ZNF521: variants seen among roughly 807,000 people sequenced by gnomAD.
ZNF521 encodes the protein zinc finger protein 521, also known as LYST-interacting protein 3.
ZNF521 carries 14 observed loss-of-function variants against 105.5 expected under a neutral mutation model. The observed-to-expected ratio is 0.13, with a 90% CI of 0.09 to 0.21. The LOEUF is 0.21. ZNF521 is among the 10% of genes least tolerant of loss of function. ZNF521 has a pLI of 1.00. For missense variants in ZNF521, 1,233 were observed against 1,629.7 expected, an observed-to-expected ratio of 0.76 and a Z score of 4.19; for synonymous variants, 635 against 606.0, an observed-to-expected ratio of 1.05 and a Z score of -0.70.
At chr18:25,332,314 T>C (rs945211682) in intron 2 of ZNF521, among the ~76,000 whole-genome samples, 1 of 118,904 alleles carries the variant, frequency 8.4e-6, no homozygotes, top group Non-Finnish European at 1.8e-5. Context: ...TCCTATAACA[T>C]AAGGCACAAA....
chr18:25,200,719 C>A (rs975478672), intron 4 of ZNF521, among the ~76,000 whole-genome samples: 5 of 152,104 alleles, frequency 3.3e-5, no homozygotes, highest in Non-Finnish European at 7.4e-5. Flanking sequence ...AACACTGATT[C>A]TCTCTTCACA....
At chr18:25,186,263 T>G (rs1600132583) in intron 5 of ZNF521, among the ~76,000 whole-genome samples, 1 of 152,334 alleles carries the variant, frequency 6.6e-6, no homozygotes, top group Admixed American at 6.5e-5. Flanking sequence ...ATATCTGAAA[T>G]ATTAAGACAT....
intron 3 of ZNF521, among the ~76,000 whole-genome samples, chr18:25,286,408 C>T (rs889018863): frequency 2.0e-5 from 3 of 152,196 alleles, no homozygotes; most frequent in African/African-American, 7.2e-5. Flanking sequence ...ACAGCACCAG[C>T]TTGCATAAAA....
chr18:25,342,684 T>C (rs12954237), intron 2 of ZNF521, among the ~76,000 whole-genome samples: 69,647 of 151,894 alleles, frequency 0.46, 16,300 homozygotes, highest in Middle Eastern at 0.51. Context: ...CGCCTCGGCC[T>C]CCCAAAGTGC....
At chr18:25,154,644 T>A (rs1345977855) in intron 5 of ZNF521, among the ~76,000 whole-genome samples, 1 of 152,124 alleles carries the variant, frequency 6.6e-6, no homozygotes, top group Non-Finnish European at 1.5e-5. Flanking sequence ...ACTCAAATAA[T>A]CTACCTGTAA....
At chr18:25,299,685 C>T (rs1911521646) in intron 3 of ZNF521, among the ~76,000 whole-genome samples, 1 of 152,110 alleles carries the variant, frequency 6.6e-6, no homozygotes. Context: ...AGAATTAGGA[C>T]ATTAAAGACA....
chr18:25,224,288 A>C (rs1905939001), intron 4 of ZNF521, 57 bp downstream of exon 4: 6 of 1,458,324 alleles, frequency 4.1e-6, no homozygotes, highest in Middle Eastern at 2.1e-4. Context: ...TGTAAACATA[A>C]AGCAGGGACC....
chr18:25,261,777 A>G (rs1908928079), intron 3 of ZNF521, among the ~76,000 whole-genome samples: 1 of 151,894 alleles, frequency 6.6e-6, no homozygotes, highest in Non-Finnish European at 1.5e-5. Flanking sequence ...TCTCCATGGA[A>G]TGTGCTTAAA....
At chr18:25,185,181 T>C (rs906590390) in intron 5 of ZNF521, among the ~76,000 whole-genome samples, 7 of 152,176 alleles carry the variant, frequency 4.6e-5, no homozygotes, top group African/African-American at 1.7e-4. Flanking sequence ...TGGGCAATAG[T>C]TGACCATTTT....
At chr18:25,293,558 T>C (rs1355179932) in intron 3 of ZNF521, among the ~76,000 whole-genome samples, 2 of 152,222 alleles carry the variant, frequency 1.3e-5, no homozygotes, top group South Asian at 4.1e-4. Flanking sequence ...AAAATTATTA[T>C]TTCCAAACTT....
At chr18:25,117,022 T>C (rs1358378168) in intron 5 of ZNF521, among the ~76,000 whole-genome samples, 11 of 116,196 alleles carry the variant, frequency 9.5e-5, no homozygotes, top group East Asian at 5.1e-4. Flanking sequence ...CACACACATA[T>C]ATATATACAT....
chr18:25,285,969 C>T (rs1910688038), intron 3 of ZNF521, among the ~76,000 whole-genome samples: 1 of 152,200 alleles, frequency 6.6e-6, no homozygotes, highest in Admixed American at 6.5e-5. Flanking sequence ...GATATTAAAT[C>T]CAACTTCTGC....
At chr18:25,082,397 A>T (rs926748254) in intron 7 of ZNF521, among the ~76,000 whole-genome samples, 2 of 152,102 alleles carry the variant, frequency 1.3e-5, no homozygotes, top group African/African-American at 4.8e-5. Context: ...CTTTCCTCCA[A>T]ACTGATCAGT....
intron 3 of ZNF521, among the ~76,000 whole-genome samples, chr18:25,235,688 C>T (rs7234276): frequency 0.35 from 53,396 of 152,048 alleles, 10,221 homozygotes; most frequent in African/African-American, 0.51. Context: ...TTATTGGAGC[C>T]GAATTTCACC....
rs77153823 is a variant in ZNF521, at chr18:25,304,164, C to A, written c.220+17844G>T. On this transcript the variant is annotated intron_variant, in intron 3 of 7. Coordinates refer to ENST00000361524, the MANE Select transcript of ZNF521 (RefSeq NM_015461.3). Reference sequence around the variant, plus strand: ...GAATAAAACTTAAATGAAAATTACACCTGAAGACACTTCATGACATTTTAA... The same window carrying A: ...GAATAAAACTTAAATGAAAATTACAACTGAAGACACTTCATGACATTTTAA... Among the ~76,000 whole-genome samples the A allele has an allele frequency of 0.01, 1,579 of 152,262 alleles. 103 individuals carry two copies. The East Asian group carries it at 0.2, about 19-fold the overall frequency.
chr18:25,343,479 A>T (rs1914324500), intron 2 of ZNF521, among the ~76,000 whole-genome samples: 1 of 152,204 alleles, frequency 6.6e-6, no homozygotes, highest in African/African-American at 2.4e-5. Flanking sequence ...TAACTGAGGG[A>T]CGTAAACTCT....
chr18:25,179,112 ATTCCTTTTTTTTT>A (rs2035583529), intron 5 of ZNF521, among the ~76,000 whole-genome samples: 1 of 38,666 alleles, frequency 2.6e-5, no homozygotes, highest in African/African-American at 7.6e-5. Flanking sequence ...CTTTTTCTTT[ATTCCTTTTTTTTT>A]TTTTTTTTTT....
chr18:25,158,632 A>C (rs1238306214), intron 5 of ZNF521, among the ~76,000 whole-genome samples: 1 of 152,126 alleles, frequency 6.6e-6, no homozygotes, highest in African/African-American at 2.4e-5. Context: ...GGAAGGAAGA[A>C]GAAAAGGAAA....
chr18:25,093,275 C>A (rs765584963), intron 5 of ZNF521, among the ~76,000 whole-genome samples: 1 of 152,160 alleles, frequency 6.6e-6, no homozygotes, highest in Non-Finnish European at 1.5e-5. Flanking sequence ...ACACCCACTA[C>A]TTCCAAGACT....
Sources: gnomAD v4.1 joint callset for allele counts (sites outside exome capture counted in the v4.1 genomes callset) on GRCh38, gnomAD v4.1.1 for gene constraint, MANE v1.5 for transcripts, NCBI Gene and HGNC (gene_info 2026-07-23, HGNC 2026-07-21) for gene names.